Variants in IL12RB2 observed in about 807,000 individuals in gnomAD.
IL12RB2 encodes the protein interleukin-12 receptor subunit beta-2.
In IL12RB2, 82 loss-of-function variants were observed where a neutral mutation model predicts 89.4. The ratio of observed to expected loss-of-function variants is 0.92; its 90% CI spans 0.77 to 1.10. The LOEUF is 1.10. Among genes scored for constraint, IL12RB2 ranks in the 50% least tolerant of loss-of-function variants. IL12RB2 has a pLI of 0.00. For missense variants in IL12RB2, 963 were observed against 1,031.9 expected, an observed-to-expected ratio of 0.93 and a Z score of 0.92; for synonymous variants, 368 against 370.1, an observed-to-expected ratio of 0.99 and a Z score of 0.07.
At chr1:67,313,552 C>T (rs1433535324) in intron 1 of IL12RB2, among the ~76,000 whole-genome samples, 3 of 152,114 alleles carry the variant, frequency 2.0e-5, no homozygotes, top group South Asian at 2.1e-4. Context: ...TGGCCGGGCA[C>T]GGTGGCTCAT....
intron 14 of IL12RB2, among the ~76,000 whole-genome samples, chr1:67,381,849 G>C (rs984133846): frequency 6.6e-6 from 1 of 151,686 alleles, no homozygotes; most frequent in African/African-American, 2.4e-5. Flanking sequence ...AGGTGGGAGC[G>C]GTGGTACATG....
At chr1:67,318,888 G>GAA (rs563343309) in intron 2 of IL12RB2, among the ~76,000 whole-genome samples, 3 of 141,880 alleles carry the variant, frequency 2.1e-5, no homozygotes, top group South Asian at 4.5e-4. Context: ...AGTAGAAATG[G>GAA]AAAAAAAAAA....
intron 10 of IL12RB2, among the ~76,000 whole-genome samples, chr1:67,366,127 A>G (rs1662636238): frequency 6.6e-6 from 1 of 152,108 alleles, no homozygotes. Flanking sequence ...AATAACTAGT[A>G]ATATATGAAA....
intron 10 of IL12RB2, among the ~76,000 whole-genome samples, chr1:67,357,417 C>A (rs1176786305): frequency 6.6e-6 from 1 of 152,114 alleles, no homozygotes; most frequent in African/African-American, 2.4e-5. Flanking sequence ...ATTAGAATAA[C>A]CTCAAAGGGC....
chr1:67,312,291 C>T (rs1155830), intron 1 of IL12RB2, among the ~76,000 whole-genome samples: 25,743 of 151,996 alleles, frequency 0.17, 2,441 homozygotes, highest in African/African-American at 0.25. Flanking sequence ...CTGGAGTTTC[C>T]GAAGCTTTAT....
chr1:67,369,158 C>T (rs2100992666), intron 11 of IL12RB2, among the ~76,000 whole-genome samples: 1 of 152,254 alleles, frequency 6.6e-6, no homozygotes, highest in Middle Eastern at 3.4e-3. Flanking sequence ...GTTAATTTTT[C>T]ATCACTACCC....
chr1:67,366,452 C>CAAAAAAAAA (rs11329710), intron 10 of IL12RB2, among the ~76,000 whole-genome samples: 4 of 53,400 alleles, frequency 7.5e-5, no homozygotes, highest in Non-Finnish European at 1.1e-4. Context: ...GACTCCATCT[C>CAAAAAAAAA]AAAAAAAAAA....
intron 13 of IL12RB2, among the ~76,000 whole-genome samples, chr1:67,376,828 C>T (rs748110024): frequency 2.0e-5 from 3 of 152,160 alleles, no homozygotes; most frequent in African/African-American, 7.2e-5. Flanking sequence ...CAGAGTTGGA[C>T]AGTTGATTCC....
chr1:67,314,148 T>C (rs1018231735), intron 2 of IL12RB2, 148 bp downstream of exon 2: 3 of 152,208 alleles, frequency 2.0e-5, no homozygotes, highest in East Asian at 1.9e-4. Flanking sequence ...CAGACTGAAA[T>C]GTCAGCTGTT....
At chr1:67,321,449 A>T (rs535781373) in intron 3 of IL12RB2, among the ~76,000 whole-genome samples, 153 bp from the exon 4 acceptor site, 5 of 152,296 alleles carry the variant, frequency 3.3e-5, no homozygotes, top group Non-Finnish European at 5.9e-5. Context: ...TTTTCATTGT[A>T]CATCACCATT....
intron 9 of IL12RB2, among the ~76,000 whole-genome samples, chr1:67,342,331 A>G (rs1659726600): frequency 1.3e-5 from 2 of 152,232 alleles, no homozygotes; most frequent in African/African-American, 4.8e-5. Context: ...GGAAGCACCA[A>G]GTAAAACCCC....
chr1:67,389,416 T>C (rs947280533), intron 15 of IL12RB2, among the ~76,000 whole-genome samples: 1 of 151,976 alleles, frequency 6.6e-6, no homozygotes, highest in African/African-American at 2.4e-5. Flanking sequence ...TTAAAAAAAA[T>C]AAGTCACATG....
At chr1:67,373,351 T>G (rs1219112716) in intron 13 of IL12RB2, among the ~76,000 whole-genome samples, 1 of 152,188 alleles carries the variant, frequency 6.6e-6, no homozygotes, top group Non-Finnish European at 1.5e-5. Context: ...CTCAAGTGAT[T>G]TGCCTACCTC....
At chr1:67,347,461 A>T (rs1660365314) in intron 9 of IL12RB2, among the ~76,000 whole-genome samples, 1 of 152,196 alleles carries the variant, frequency 6.6e-6, no homozygotes, top group Admixed American at 6.5e-5. Context: ...ATAAAAACAG[A>T]TGCATTGCAT....
intron 8 of IL12RB2, among the ~76,000 whole-genome samples, chr1:67,337,908 A>G (rs1658986529): frequency 7.9e-6 from 1 of 126,516 alleles, no homozygotes; most frequent in South Asian, 3.0e-4. Flanking sequence ...TAGTAAAAAA[A>G]AAAAAAAAAG....
At chr1:67,325,840 T>C (rs1317739632) in intron 4 of IL12RB2, among the ~76,000 whole-genome samples, 1 of 152,238 alleles carries the variant, frequency 6.6e-6, no homozygotes, top group Non-Finnish European at 1.5e-5. Context: ...GGTCTGGGTA[T>C]TAGGGTAAAA....
At chr1:67,386,916 A>ATATATATATATAT (rs1665252522) in intron 15 of IL12RB2, among the ~76,000 whole-genome samples, 1 of 86,950 alleles carries the variant, frequency 1.2e-5, no homozygotes, top group Non-Finnish European at 2.4e-5. Flanking sequence ...ATATATATAT[A>ATATATATATATAT]TTCTTTTTTT....
chr1:67,346,418 A>C (rs1427394145), intron 9 of IL12RB2, among the ~76,000 whole-genome samples: 5 of 118,940 alleles, frequency 4.2e-5, no homozygotes, highest in African/African-American at 7.1e-5. Context: ...ACAGGTTCTC[A>C]CTCTGTCACC....
Position 67,361,301 on chromosome 1 carries a change from G to A in IL12RB2, c.1259-6524G>A, listed in dbSNP as rs143158649. 2.0e-5 allele frequency among the ~76,000 whole-genome samples: 3 copies of A among 152,280 alleles called. No homozygotes were observed. The East Asian group carries it at 5.8e-4, about 29-fold the overall frequency. ...CAACAACAAAACAACAGTTAGTTGA[G>A]ATACAGCAAGCATCAGAACCATACT... On this transcript the variant is annotated intron_variant, in intron 10 of 16. Transcript: ENST00000674203.
Sources: allele counts gnomAD v4.1 joint callset (sites outside exome capture counted in the v4.1 genomes callset), GRCh38; gene constraint gnomAD v4.1.1; transcripts MANE v1.5; gene names NCBI Gene and HGNC (gene_info 2026-07-23, HGNC 2026-07-21).